The following GSTO1 variants were observed in gnomAD, a reference collection of about 807,000 sequenced individuals.
GSTO1 encodes glutathione S-transferase omega 1.
Under a neutral mutation model 23.8 loss-of-function variants are expected in GSTO1, and 27 were observed. That is an observed-to-expected ratio of 1.13 (90% CI 0.83 to 1.56). GSTO1 has a LOEUF of 1.56. GSTO1 is among the 40% of genes most tolerant of loss of function. The probability of loss-of-function intolerance (pLI) is 0.00; values close to 1 mark genes in which losing one functional copy is unlikely to be tolerated. For missense variants in GSTO1, 255 were observed against 285.8 expected, an observed-to-expected ratio of 0.89 and a Z score of 0.78; for synonymous variants, 105 against 109.3, an observed-to-expected ratio of 0.96 and a Z score of 0.25.
At chr10:104,262,433 G>A (rs17885859) in intron 3 of GSTO1, among the ~76,000 whole-genome samples, 45 of 152,246 alleles carry the variant, frequency 3.0e-4, no homozygotes, top group Admixed American at 6.5e-4. Flanking sequence ...TGTGTTGGCC[G>A]GGCGTGGTGG....
chr10:104,255,716 G>A (rs1279229635), intron 2 of GSTO1, among the ~76,000 whole-genome samples: 10 of 152,166 alleles, frequency 6.6e-5, no homozygotes. Context: ...CCCCAGTACA[G>A]CAGAGTTTAG....
At chr10:104,254,797 TGGC>T, upstream of GSTO1, 1 of 818,204 alleles carries the variant, frequency 1.2e-6, no homozygotes, top group Non-Finnish European at 2.0e-6. Flanking sequence ...CGGGTGGAGC[TGGC>T]GGCCGCCGGG....
intron 3 of GSTO1, 116 bp from the exon 4 acceptor site, chr10:104,262,863 T>A: frequency 1.8e-6 from 1 of 551,438 alleles, no homozygotes; most frequent in South Asian, 2.5e-5. Flanking sequence ...GATGCACCCT[T>A]GGTGTTTCTA....
At position 104,254,973 on chromosome 10, in the gene GSTO1, C is replaced by T. The variant is rs750046693; in HGVS notation, c.34+11C>T. On this transcript the variant is annotated intron_variant, in intron 1 of 5. Coordinates refer to ENST00000369713, the MANE Select transcript of GSTO1 (RefSeq NM_004832.3). ...GGAGCTTGGGGAAGGGTGAGGCCTG[C>T]CCGCCGCGAAGAGGGGGTGATCTCG... The T allele has an allele frequency of 4.1e-5, 65 of 1,604,918 alleles. No homozygotes were observed. The highest frequency in any genetic ancestry group is 4.9e-5 in the Non-Finnish European group (58 of 1,176,160).
At chr10:104,260,650 T>A (rs1305843830) in intron 3 of GSTO1, among the ~76,000 whole-genome samples, 3 of 152,240 alleles carry the variant, frequency 2.0e-5, no homozygotes, top group African/African-American at 7.2e-5. Context: ...AAGATGTGTG[T>A]TTAGACACCA....
chr10:104,266,065 T>C lies in GSTO1; in HGVS notation c.466-19T>C. On this transcript the variant is annotated intron_variant, in intron 4 of 5. Coordinates refer to ENST00000369713, the MANE Select transcript of GSTO1 (RefSeq NM_004832.3). ...TACATGCACAAGTAAGAAATACTTT[T>C]ATGCTGTTTAATGTTCAGGTTCTGA... is the stretch of plus-strand genomic sequence containing the variant. 1.6e-6 allele frequency: 2 copies of C among 1,246,866 alleles called. No homozygotes were observed. The highest frequency in any genetic ancestry group is 1.2e-6 in the Non-Finnish European group (1 of 845,194). 77.2% of individuals were successfully genotyped at this position (1,246,866 alleles called of 1,614,324 possible).
intron 3 of GSTO1, among the ~76,000 whole-genome samples, chr10:104,261,253 T>C (rs1459929372): frequency 6.6e-6 from 1 of 152,220 alleles, no homozygotes. Flanking sequence ...CTTTAAAAAG[T>C]AGTCACAAGA....
chr10:104,259,903 A>G, intron 3 of GSTO1, 105 bp downstream of exon 3: 3 of 728,264 alleles, frequency 4.1e-6, no homozygotes, highest in Non-Finnish European at 7.2e-6. Flanking sequence ...AAAACAAAAC[A>G]GGAATATGCT....
upstream of GSTO1, chr10:104,254,805 G>GC: frequency 1.1e-6 from 1 of 930,790 alleles, no homozygotes; most frequent in Non-Finnish European, 1.7e-6. Context: ...GCTGGCGGCC[G>GC]CCGGGGGCAG....
chr10:104,261,586 G>A (rs549061607), intron 3 of GSTO1, among the ~76,000 whole-genome samples: 3 of 152,174 alleles, frequency 2.0e-5, no homozygotes, highest in African/African-American at 4.8e-5. Flanking sequence ...ATTTTTAGAG[G>A]AGCAAGAATT....
At chr10:104,254,757 G>C, upstream of GSTO1, 2 of 679,998 alleles carry the variant, frequency 2.9e-6, no homozygotes, top group Admixed American at 2.1e-5. Context: ...GATGTTTTAA[G>C]GGCTATCCCA....
chr10:104,258,531 T>A (rs2011111994), intron 2 of GSTO1, among the ~76,000 whole-genome samples: 1 of 152,164 alleles, frequency 6.6e-6, no homozygotes, highest in Non-Finnish European at 1.5e-5. Context: ...AAGGAATCTC[T>A]ACAACTCAAC....
intron 3 of GSTO1, among the ~76,000 whole-genome samples, chr10:104,260,725 G>T (rs951884015): frequency 1.3e-5 from 2 of 152,122 alleles, no homozygotes; most frequent in African/African-American, 4.8e-5. Context: ...AGTATATAAA[G>T]GATTATCTTT....
Position 104,263,016 on chromosome 10 carries a change from A to G in GSTO1, c.404A>G (p.Asn135Ser). Residue 135 changes from asparagine to serine, a missense_variant, in exon 4 of 6, where the codon AAT becomes AGT. Physicochemically the swap from Asn to Ser is conservative, Grantham distance 46. Coordinates refer to ENST00000369713, the MANE Select transcript of GSTO1 (RefSeq NM_004832.3). ...GTAGGAAGCTTTATTAGAAGCCAAA[A>G]TAAAGAAGACTATGCTGGCCTAAAA... ...SLVGSFIRSQ[N>S]KEDYAGLKEE... The G allele has an allele frequency of 6.4e-7, 1 of 1,551,756 alleles. No individual in the cohort carries two copies. Among genetic ancestry groups the G allele is most frequent in the Non-Finnish European group, 8.9e-7 (1 of 1,124,996 alleles).
At chr10:104,267,178 T>C in intron 5 of GSTO1, 74 bp from the exon 6 acceptor site, 1 of 882,710 alleles carries the variant, frequency 1.1e-6, no homozygotes, top group Non-Finnish European at 1.7e-6. Context: ...AGAGTAATAA[T>C]TACATATGGG....
chr10:104,266,784 G>A (rs2011192775), intron 5 of GSTO1, among the ~76,000 whole-genome samples: 1 of 151,770 alleles, frequency 6.6e-6, no homozygotes, highest in Non-Finnish European at 1.5e-5. Flanking sequence ...GGATGTTGTT[G>A]CGGGATTGTA....
At chr10:104,256,746 T>C (rs758604127) in intron 2 of GSTO1, among the ~76,000 whole-genome samples, 1 of 152,296 alleles carries the variant, frequency 6.6e-6, no homozygotes. Flanking sequence ...CAATGCCAGC[T>C]TACCAAAATT....
intron 3 of GSTO1, among the ~76,000 whole-genome samples, chr10:104,262,593 T>A (rs2011146783): frequency 6.6e-6 from 1 of 152,094 alleles, no homozygotes; most frequent in African/African-American, 2.4e-5. Flanking sequence ...ACGCCCATAA[T>A]CTCAGCTACT....
In GSTO1 at chr10:104,266,152, G is replaced by A. The variant is rs749866804; in HGVS notation, c.534G>A (p.Trp178Ter). 2 of 1,610,796 alleles carry A rather than the reference G, an allele frequency of 1.2e-6. No homozygotes were observed. Among genetic ancestry groups the A allele is most frequent in the East Asian group, 4.5e-5 (2 of 44,848 alleles). The change falls in exon 5 of 6, where the codon TGG becomes TGA. Residue 178 changes from tryptophan to a stop codon, truncating the protein, a stop_gained. Coordinates refer to ENST00000369713, the MANE Select transcript of GSTO1 (RefSeq NM_004832.3). LOFTEE classifies it low-confidence loss of function (END_TRUNC). ...NSISMIDYLIWPWFERLEAMK... is the reference protein window; with the variant it reads ...NSISMIDYLI ...TCTCTATGATTGATTACCTCATCTGGCCCTGGTTTGAACGGCTGGAAGCAA... is the reference window on the plus strand; with the variant it reads ...TCTCTATGATTGATTACCTCATCTGACCCTGGTTTGAACGGCTGGAAGCAA...
Sources: gnomAD v4.1 joint callset for allele counts (sites outside exome capture counted in the v4.1 genomes callset) on GRCh38, gnomAD v4.1.1 for gene constraint, MANE v1.5 for transcripts, NCBI Gene and HGNC (gene_info 2026-07-23, HGNC 2026-07-21) for gene names.